UTP20: variants seen among roughly 807,000 people sequenced by gnomAD.
UTP20 encodes the protein small subunit processome component 20 homolog.
UTP20 carries 164 observed loss-of-function variants against 329.5 expected under a neutral mutation model. The ratio of observed to expected loss-of-function variants is 0.50; its 90% CI spans 0.44 to 0.57. UTP20 has a LOEUF of 0.57. Ranked by LOEUF, UTP20 falls within the 20% of genes least tolerant of loss-of-function variation. The pLI is 0.00. For synonymous variants in UTP20, 1,151 were observed against 1,159.3 expected (o/e 0.99, Z 0.14); for missense variants, 3,055 against 3,284.2 (o/e 0.93, Z 1.71).
At chr12:101,324,151 AT>A (rs1207578330) in intron 25 of UTP20, among the ~76,000 whole-genome samples, 2 of 108,178 alleles carry the variant, frequency 1.8e-5, no homozygotes, top group African/African-American at 5.7e-5. Context: ...AAATAAAAAA[AT>A]AAATAAATAA....
chr12:101,288,850 T>C (rs1311804762), intron 5 of UTP20, 110 bp from the exon 6 acceptor site: 14 of 909,756 alleles, frequency 1.5e-5, no homozygotes, highest in Non-Finnish European at 2.2e-5. Flanking sequence ...TGATACCTGC[T>C]GTGTATTCCT....
intron 25 of UTP20, among the ~76,000 whole-genome samples, chr12:101,324,123 C>T (rs1868470939): frequency 6.7e-6 from 1 of 149,754 alleles, no homozygotes; most frequent in African/African-American, 2.5e-5. Flanking sequence ...GATGACAGAG[C>T]GAGACTCTGT....
chr12:101,312,291 C>G lies in UTP20; in HGVS notation c.2552+15C>G. 4.3e-6 allele frequency: 7 copies of G among 1,612,980 alleles called. No individual in the cohort carries two copies. The highest frequency in any genetic ancestry group is 1.3e-5 in the African/African-American group (1 of 74,996). On this transcript the variant is annotated intron_variant, in intron 21 of 61. Transcript: ENST00000261637. Reference sequence around the variant, plus strand: ...AGATTTATCAAGTAAGTTTCCTCTTCTAAGAATATGTCCCTGGTGGGGCAT... The same window carrying G: ...AGATTTATCAAGTAAGTTTCCTCTTGTAAGAATATGTCCCTGGTGGGGCAT...
At chr12:101,310,577 CAAAAAAA>C (rs549641642) in intron 19 of UTP20, among the ~76,000 whole-genome samples, 1 of 44,384 alleles carries the variant, frequency 2.3e-5, no homozygotes, top group African/African-American at 1.1e-4. Context: ...CTCTGTCTCC[CAAAAAAA>C]AAAAAAAAAA....
rs749123222 is a variant in UTP20, at chr12:101,290,192, C to G, written c.653C>G (p.Pro218Arg). ...NLMFLDLDKH[P>R]EKVEGVGQLL... ...ATGTTTCTTGATCTTGATAAACATC[C>G]AGAAAAAGTTGAAGGTGTTGGACAG... The change falls in exon 7 of 62, where the codon CCA (proline) becomes CGA (arginine). Residue 218 changes from proline (P) to arginine (R), a missense_variant. Physicochemically the swap from Pro to Arg is moderately radical, Grantham distance 103. Around this residue, in one of 3 missense-constraint regions of UTP20, gnomAD observed 2,445 missense variants for 2,575.5 expected, o/e 0.95. Coordinates refer to ENST00000261637, the MANE Select transcript of UTP20 (RefSeq NM_014503.3). 25 of 1,607,398 alleles carry G rather than the reference C, an allele frequency of 1.6e-5. No individual in the cohort carries two copies. In the Middle Eastern group the frequency reaches 4.9e-4, roughly 32 times the overall value.
intron 25 of UTP20, among the ~76,000 whole-genome samples, chr12:101,323,637 T>A (rs1868451652): frequency 6.6e-6 from 1 of 151,624 alleles, no homozygotes; most frequent in African/African-American, 2.4e-5. Flanking sequence ...TCTCATGAAA[T>A]TTTTTTTTAA....
chr12:101,362,181 C>G (rs1188116146), intron 44 of UTP20, 121 bp downstream of exon 44: 1 of 674,274 alleles, frequency 1.5e-6, no homozygotes, highest in African/African-American at 1.8e-5. Flanking sequence ...AACACCTCAT[C>G]TTTTAGATTA....
At chr12:101,348,124 C>T (rs539034410) in intron 38 of UTP20, among the ~76,000 whole-genome samples, 1 of 152,150 alleles carries the variant, frequency 6.6e-6, no homozygotes, top group Non-Finnish European at 1.5e-5. Context: ...CCACCACGCC[C>T]GGCTGGTATA....
intron 12 of UTP20, among the ~76,000 whole-genome samples, chr12:101,297,529 C>T (rs958065116): frequency 2.0e-5 from 3 of 152,158 alleles, no homozygotes; most frequent in African/African-American, 7.2e-5. Context: ...ATCTTAACAC[C>T]TACTTATATC....
intron 47 of UTP20, 43 bp from the exon 48 acceptor site, chr12:101,367,817 C>T: frequency 7.8e-7 from 1 of 1,290,272 alleles, no homozygotes; most frequent in South Asian, 1.2e-5. Context: ...CTCATCTGGT[C>T]TAATGGGCAA....
At position 101,329,268 on chromosome 12, in the gene UTP20, C is replaced by A. The variant is rs754945143; in HGVS notation, c.3236C>A (p.Ala1079Glu). 1 of 1,614,108 alleles carries A rather than the reference C, an allele frequency of 6.2e-7. No homozygotes were observed. The highest frequency in any genetic ancestry group is 1.7e-5 in the Admixed American group (1 of 60,020). The part of the protein sequence containing the change: ...NGECHSAVIQ[A>E]VEDLDLSKVL... ...GAGTGCCATTCTGCAGTCATTCAAG[C>A]AGTAGAAGACTTGGATTTGTCTAAA... is the stretch of plus-strand genomic sequence containing the variant. Residue 1079 changes from alanine (A) to glutamate (E), a missense_variant, in exon 27 of 62, where the codon GCA becomes GAA. Coordinates refer to ENST00000261637, the MANE Select transcript of UTP20 (RefSeq NM_014503.3).
chr12:101,321,394 T>A, intron 24 of UTP20, 110 bp from the exon 25 acceptor site: 1 of 1,438,660 alleles, frequency 7.0e-7, no homozygotes, highest in South Asian at 1.4e-5. Flanking sequence ...AACCATAATA[T>A]GTACTATATA....
At chr12:101,311,879 A>G in intron 20 of UTP20, 81 bp downstream of exon 20, 2 of 1,560,062 alleles carry the variant, frequency 1.3e-6, no homozygotes, top group South Asian at 2.4e-5. Flanking sequence ...TTACTCACGA[A>G]ATTGGAAAAC....
In UTP20 at chr12:101,342,617, T is replaced by C. The variant is rs188700188; in HGVS notation, c.4245+28T>C. 934 of 1,586,420 alleles carry C rather than the reference T, an allele frequency of 5.9e-4. 2 individuals are homozygous for C. The highest frequency in any genetic ancestry group is 7.1e-4 in the Non-Finnish European group (832 of 1,170,042). On this transcript the variant is annotated intron_variant, in intron 33 of 61. Transcript: ENST00000261637. ...CTGTACTATTCATTTTTACTCCAAA[T>C]CACCCTTTTAAAAAAATGTAATTAT...
chr12:101,319,518 A>G, intron 22 of UTP20, 27 bp from the exon 23 acceptor site: 1 of 1,542,834 alleles, frequency 6.5e-7, no homozygotes, highest in Non-Finnish European at 8.8e-7. Context: ...TTAATTCTGT[A>G]ACACTCTCTG....
intron 5 of UTP20, among the ~76,000 whole-genome samples, chr12:101,288,688 C>G (rs1029911046): frequency 3.3e-5 from 5 of 152,222 alleles, no homozygotes; most frequent in African/African-American, 1.2e-4. Flanking sequence ...CCTAATTCTT[C>G]TTTCATTCAG....
In UTP20 at chr12:101,290,158, T is replaced by C; in HGVS notation, c.619T>C (p.Phe207Leu). ...MRKVSDKNAL[F>L]NLMFLDLDKH... Reference sequence around the variant, plus strand: ...TTAGGTCTCTGATAAAAACGCACTTTTCAATTTAATGTTTCTTGATCTTGA... The same window carrying C: ...TTAGGTCTCTGATAAAAACGCACTTCTCAATTTAATGTTTCTTGATCTTGA... The change falls in exon 7 of 62, where the codon TTC becomes CTC. Residue 207 changes from phenylalanine (F) to leucine (L), a missense_variant. Phe to Leu is a conservative substitution (Grantham distance 22). Coordinates refer to ENST00000261637, the MANE Select transcript of UTP20 (RefSeq NM_014503.3). 6.3e-7 allele frequency: 1 copy of C among 1,598,306 alleles called. No individual in the cohort carries two copies. Among genetic ancestry groups the C allele is most frequent in the South Asian group, 1.1e-5 (1 of 87,706 alleles).
rs769953865 is a variant in UTP20, at chr12:101,327,154, G to A, written c.3115G>A (p.Ala1039Thr). ...QGKSASGTRMAIVLRFLAGTQ... is the reference protein window; with the variant it reads ...QGKSASGTRMTIVLRFLAGTQ... ...GAAATCTGCTTCAGGCACCCGCATG[G>A]CCATTGTCCTGCGGTTCCTGGCCGG... Residue 1039 changes from alanine (A) to threonine (T), a missense_variant, in exon 26 of 62, where the codon GCC (alanine) becomes ACC (threonine). Transcript: ENST00000261637. 5.6e-6 allele frequency: 9 copies of A among 1,613,164 alleles called. No individual in the cohort carries two copies. Among genetic ancestry groups the A allele is most frequent in the Non-Finnish European group, 7.6e-6 (9 of 1,179,212 alleles).
intron 8 of UTP20, 194 bp downstream of exon 8, chr12:101,291,082 C>A: frequency 2.1e-6 from 1 of 480,176 alleles, no homozygotes; most frequent in Non-Finnish European, 3.4e-6. Context: ...TCTTGAGATG[C>A]AGTAGAAGGC....
Sources: gnomAD v4.1 joint callset for allele counts (sites outside exome capture counted in the v4.1 genomes callset) on GRCh38, gnomAD v4.1.1 for gene constraint, gnomAD v4.1.1 regional missense constraint, MANE v1.5 for transcripts, NCBI Gene and HGNC (gene_info 2026-07-23, HGNC 2026-07-21) for gene names.